Variants in CYP4A22 observed in about 807,000 individuals in gnomAD.
CYP4A22 encodes the protein cytochrome P450 4A22.
A neutral mutation model predicts 56.2 loss-of-function variants in CYP4A22; 46 were observed. That is an observed-to-expected ratio of 0.82 (90% CI 0.65 to 1.05). The LOEUF (loss-of-function observed/expected upper bound fraction) is 1.05, where lower values mean the gene tolerates loss of function less well. Ranked by LOEUF, CYP4A22 falls within the 50% of genes least tolerant of loss-of-function variation. The pLI is 0.00. For missense variants in CYP4A22, 541 were observed against 645.9 expected (o/e 0.84, Z 1.76); for synonymous variants, 193 against 251.1 (o/e 0.77, Z 2.19).
Position 47,142,134 on chromosome 1 carries a change from C to A in CYP4A22, c.409C>A (p.Gln137Lys). The A allele has an allele frequency of 2.5e-6, 4 of 1,613,682 alleles. No individual in the cohort carries two copies. Among genetic ancestry groups the A allele is most frequent in the Non-Finnish European group, 3.4e-6 (4 of 1,179,818 alleles). ...GTACGGCTTGCTCCTGTTGAATGGGCAGACATGGTTCCAGCATCGACGGAT... is the reference window on the plus strand; with the variant it reads ...GTACGGCTTGCTCCTGTTGAATGGGAAGACATGGTTCCAGCATCGACGGAT... ...IGYGLLLLNGQTWFQHRRMLT... is the reference protein window; with the variant it reads ...IGYGLLLLNGKTWFQHRRMLT... The change falls in exon 4 of 12, where the codon CAG becomes AAG. Residue 137 changes from glutamine to lysine, a missense_variant. Around this residue, in one of 3 missense-constraint regions of CYP4A22, gnomAD observed 335 missense variants for 361.2 expected, o/e 0.93. Coordinates refer to ENST00000371891, the MANE Select transcript of CYP4A22 (RefSeq NM_001010969.4).
Position 47,145,863 on chromosome 1 carries a change from C to A in CYP4A22, c.1223-3C>A. 6.2e-7 allele frequency: 1 copy of A among 1,614,192 alleles called. No individual in the cohort carries two copies. Among genetic ancestry groups the A allele is most frequent in the Non-Finnish European group, 8.5e-7 (1 of 1,180,022 alleles). On this transcript the variant is annotated splice_region_variant and splice_polypyrimidine_tract_variant and intron_variant, in intron 9 of 11. Coordinates refer to ENST00000371891, the MANE Select transcript of CYP4A22 (RefSeq NM_001010969.4). Reference sequence around the variant, plus strand: ...TTCTCTCTCTTTCCAACCTGCACCACAGGTATCATGGTCCTCCTCTCCATT... The same window carrying A: ...TTCTCTCTCTTTCCAACCTGCACCAAAGGTATCATGGTCCTCCTCTCCATT...
chr1:47,147,647 G>A (rs537101844), intron 11 of CYP4A22, among the ~76,000 whole-genome samples: 1 of 152,338 alleles, frequency 6.6e-6, no homozygotes, highest in East Asian at 1.9e-4. Flanking sequence ...GGGAGGAAGA[G>A]GCCCAGCTGG....
Position 47,144,534 on chromosome 1 carries a change from A to G in CYP4A22, c.898-16A>G. 1.2e-6 allele frequency: 2 copies of G among 1,614,010 alleles called. No homozygotes were observed. Among genetic ancestry groups the G allele is most frequent in the South Asian group, 2.2e-5 (2 of 91,074 alleles). ...AGCAAGAGACAAGCCCTGCACTTTCACCACGGTCTTCCCAGATGGAGAATG... is the reference window on the plus strand; with the variant it reads ...AGCAAGAGACAAGCCCTGCACTTTCGCCACGGTCTTCCCAGATGGAGAATG... On this transcript the variant is annotated splice_polypyrimidine_tract_variant and intron_variant, in intron 7 of 11. Transcript: ENST00000371891.
intron 9 of CYP4A22, 128 bp downstream of exon 9, chr1:47,145,098 TA>T: frequency 7.0e-7 from 1 of 1,429,830 alleles, no homozygotes; most frequent in Non-Finnish European, 9.3e-7. Flanking sequence ...ATCAAAAACA[TA>T]CTTTGTATTT....
In CYP4A22 at chr1:47,141,562, A is replaced by G. The variant is rs2148555193; in HGVS notation, c.338-9A>G. On this transcript the variant is annotated splice_polypyrimidine_tract_variant and intron_variant, in intron 2 of 11. Transcript: ENST00000371891. ...CTAGTTTCCTATAAAGCCCTTTCTT[A>G]CTTTTCAGACCCGAAATCCCATGGA... 1 of 1,613,344 alleles carries G rather than the reference A, an allele frequency of 6.2e-7. No homozygotes were observed. Among genetic ancestry groups the G allele is most frequent in the Non-Finnish European group, 8.5e-7 (1 of 1,179,512 alleles).
rs1645056616 is a variant in CYP4A22 at position 47,144,757 on chromosome 1, A to G, written c.1088+17A>G. Reference sequence around the variant, plus strand: ...CATCACCTGGTGAGTGAGGGCTCAAAAGATGGGGTTCCCTGCCTTCTCCAC... The same window carrying G: ...CATCACCTGGTGAGTGAGGGCTCAAGAGATGGGGTTCCCTGCCTTCTCCAC... On this transcript the variant is annotated intron_variant, in intron 8 of 11. Transcript: ENST00000371891. 1 of 1,613,034 alleles carries G rather than the reference A, an allele frequency of 6.2e-7. No individual in the cohort carries two copies. Among genetic ancestry groups the G allele is most frequent in the African/African-American group, 1.3e-5 (1 of 74,842 alleles).
intron 9 of CYP4A22, 30 bp downstream of exon 9, chr1:47,145,000 A>T (rs1645060758): frequency 1.2e-6 from 2 of 1,613,088 alleles, no homozygotes; most frequent in East Asian, 4.5e-5. Context: ...TCTCACCCAA[A>T]GTCTCCACGG....
chr1:47,144,188 G>A (rs1645047192), intron 6 of CYP4A22, among the ~76,000 whole-genome samples, 169 bp from the exon 7 acceptor site: 1 of 152,214 alleles, frequency 6.6e-6, no homozygotes, highest in Non-Finnish European at 1.5e-5. Context: ...ACTGGTGGGA[G>A]GGGTGCCCTG....
Position 47,144,340 on chromosome 1 carries a change from C to A in CYP4A22, c.791-17C>A, listed in dbSNP as rs1370174249. ...TGACGGTCTCAGCTCTGCCTGGTAA[C>A]CATTGTTCTGGTACAGACCAAGTGA... On this transcript the variant is annotated splice_polypyrimidine_tract_variant and intron_variant, in intron 6 of 11. Coordinates refer to ENST00000371891, the MANE Select transcript of CYP4A22 (RefSeq NM_001010969.4). 2 of 1,612,380 alleles carry A rather than the reference C, an allele frequency of 1.2e-6. No individual in the cohort carries two copies. The highest frequency in any genetic ancestry group is 1.3e-5 in the African/African-American group (1 of 74,902).
intron 1 of CYP4A22, 65 bp downstream of exon 1, chr1:47,137,745 CA>C: frequency 6.5e-7 from 1 of 1,537,742 alleles, no homozygotes. Context: ...ACCCTGGTCA[CA>C]AAATCCATAG....
At chr1:47,143,541 A>G in intron 5 of CYP4A22, 148 bp downstream of exon 5, 1 of 1,478,494 alleles carries the variant, frequency 6.8e-7, no homozygotes, top group Non-Finnish European at 9.0e-7. Context: ...TCCAGACCAA[A>G]CAAAGTCTCA....
chr1:47,148,965 G>A lies in CYP4A22; in HGVS notation c.*168G>A. 1.4e-6 allele frequency: 1 copy of A among 711,738 alleles called. No homozygotes were observed. The allele number at this position is 711,738 out of a possible 1,614,324, so 44.1% of individuals were successfully genotyped here. ...CTTTCTCCAAGCTCCCTACCTGCTT[G>A]TCTACCTGTCTCCTACCCACCTGTA... On this transcript the variant is annotated 3_prime_UTR_variant, in exon 12 of 12. Transcript: ENST00000371891.
chr1:47,140,949 A>T (rs1410620764), intron 2 of CYP4A22, 28 bp downstream of exon 2: 1 of 1,612,298 alleles, frequency 6.2e-7, no homozygotes, highest in Non-Finnish European at 8.5e-7. Context: ...TCCCAACTGC[A>T]ATTTCTCTTC....
intron 4 of CYP4A22, among the ~76,000 whole-genome samples, chr1:47,142,688 C>T (rs1167685808): frequency 6.6e-6 from 1 of 152,208 alleles, no homozygotes; most frequent in Non-Finnish European, 1.5e-5. Flanking sequence ...AAATGAACAC[C>T]AGGTCTATGT....
chr1:47,143,663 T>G (rs1242783744), intron 5 of CYP4A22, 99 bp from the exon 6 acceptor site: 4 of 1,478,836 alleles, frequency 2.7e-6, no homozygotes, highest in Non-Finnish European at 3.6e-6. Context: ...TCAAGGCTGC[T>G]TGTCCCCATT....
chr1:47,142,003 C>G, intron 3 of CYP4A22, 105 bp from the exon 4 acceptor site: 1 of 1,496,792 alleles, frequency 6.7e-7, no homozygotes, highest in East Asian at 2.3e-5. Context: ...CTGGATAGTT[C>G]TTCCCCCAGG....
At chr1:47,142,441 TC>T (rs1319854558) in intron 4 of CYP4A22, among the ~76,000 whole-genome samples, 1 of 152,184 alleles carries the variant, frequency 6.6e-6, no homozygotes, top group African/African-American at 2.4e-5. Flanking sequence ...CACACTTTGT[TC>T]CCCACCATAG....
rs1645042520 is a variant in CYP4A22, at chr1:47,143,877, T to C, written c.751T>C (p.Trp251Arg). 2.5e-6 allele frequency: 4 copies of C among 1,613,972 alleles called. No homozygotes were observed. The highest frequency in any genetic ancestry group is 2.2e-5 in the East Asian group (1 of 44,864). The change falls in exon 6 of 12, where the codon TGG (tryptophan) becomes CGG (arginine). Residue 251 changes from tryptophan to arginine, a missense_variant. This residue lies in a region of CYP4A22 where 335 missense variants were observed against 361.2 expected (regional missense o/e 0.93). Coordinates refer to ENST00000371891, the MANE Select transcript of CYP4A22 (RefSeq NM_001010969.4). ...TIYSLTSAGR[W>R]THRACQLAHQ... ...CTACAGCCTGACCTCTGCTGGCCGC[T>C]GGACACACCGCGCCTGCCAGCTGGC...
intron 1 of CYP4A22, among the ~76,000 whole-genome samples, chr1:47,138,932 T>A (rs1266923321): frequency 6.6e-6 from 1 of 152,208 alleles, no homozygotes; most frequent in Non-Finnish European, 1.5e-5. Context: ...AGATAGGGGT[T>A]GCAGGGAGCT....
Sources: allele counts gnomAD v4.1 joint callset (sites outside exome capture counted in the v4.1 genomes callset), GRCh38; gene constraint gnomAD v4.1.1; regional missense constraint gnomAD v4.1.1; transcripts MANE v1.5; gene names NCBI Gene and HGNC (gene_info 2026-07-23, HGNC 2026-07-21).